Variants in OCA2 observed in about 807,000 individuals in gnomAD.
The protein encoded by OCA2 is P protein.
Under a neutral mutation model 100.2 loss-of-function variants are expected in OCA2, and 77 were observed. The observed-to-expected ratio is 0.77, with a 90% CI of 0.64 to 0.93. The LOEUF is 0.93. Among genes scored for constraint, OCA2 ranks in the 40% least tolerant of loss-of-function variants. The pLI is 0.00. For synonymous variants in OCA2, 432 were observed against 439.2 expected (o/e 0.98, Z 0.21); for missense variants, 1,062 against 1,089.1 (o/e 0.98, Z 0.35).
intron 18 of OCA2, among the ~76,000 whole-genome samples, chr15:27,932,691 G>A (rs200122345): frequency 6.6e-6 from 1 of 152,156 alleles, no homozygotes; most frequent in African/African-American, 2.4e-5. Flanking sequence ...GTGGTGGTTT[G>A]TTTGCTTTTA....
At chr15:27,886,638 G>T (rs1422800645) in intron 19 of OCA2, among the ~76,000 whole-genome samples, 1 of 152,102 alleles carries the variant, frequency 6.6e-6, no homozygotes, top group African/African-American at 2.4e-5. Context: ...CGAATATAAG[G>T]CATAACAGCA....
intron 2 of OCA2, among the ~76,000 whole-genome samples, chr15:28,060,312 A>C (rs2043833526): frequency 6.6e-6 from 1 of 152,214 alleles, no homozygotes; most frequent in Non-Finnish European, 1.5e-5. Flanking sequence ...TGACCAGACC[A>C]GCACCTCCTG....
intron 23 of OCA2, among the ~76,000 whole-genome samples, chr15:27,824,621 T>TATATATATAA (rs1315693272): frequency 1.6e-5 from 2 of 124,146 alleles, no homozygotes; most frequent in African/African-American, 6.4e-5. Context: ...TATATATATA[T>TATATATATAA]AATATAATAT....
At chr15:27,891,695 C>T (rs116804440) in intron 19 of OCA2, among the ~76,000 whole-genome samples, 2,366 of 152,134 alleles carry the variant, frequency 0.016, 56 homozygotes, top group African/African-American at 0.05. Flanking sequence ...ATTTTTTTTA[C>T]CTGTAGTTGG....
Position 27,897,247 on chromosome 15 carries a change from T to A in OCA2, c.2080-25325A>T, listed in dbSNP as rs574334404. Among the ~76,000 whole-genome samples, 42 of 151,596 alleles carry A rather than the reference T, an allele frequency of 2.8e-4. No homozygotes were observed. The South Asian group carries it at 8.0e-3, about 29-fold the overall frequency. On this transcript the variant is annotated intron_variant, in intron 19 of 23. Coordinates refer to ENST00000354638, the MANE Select transcript of OCA2 (RefSeq NM_000275.3). ...CCATCCCATCACAGGCCCAGAGGCC[T>A]AAAAGAAAAATATAGTTTCCTGGGT...
intron 19 of OCA2, among the ~76,000 whole-genome samples, chr15:27,911,285 TG>T (rs2038386356): frequency 6.6e-6 from 1 of 151,794 alleles, no homozygotes; most frequent in African/African-American, 2.4e-5. Context: ...CCAGGTGTGG[TG>T]GTATAAGCCT....
At chr15:27,996,090 T>C (rs1297013600) in intron 9 of OCA2, among the ~76,000 whole-genome samples, 2 of 152,094 alleles carry the variant, frequency 1.3e-5, no homozygotes, top group Non-Finnish European at 2.9e-5. Flanking sequence ...GGATTACAGG[T>C]GTGAGCCACC....
chr15:27,723,655 C>A, the OCA2 span, among the ~76,000 whole-genome samples: 1 of 152,258 alleles, frequency 6.6e-6, no homozygotes, highest in East Asian at 1.9e-4. Context: ...ATCTCTCATT[C>A]ACATTTTCCT....
At chr15:27,827,123 C>G (rs1394232585) in intron 23 of OCA2, among the ~76,000 whole-genome samples, 2 of 152,232 alleles carry the variant, frequency 1.3e-5, no homozygotes, top group Non-Finnish European at 2.9e-5. Flanking sequence ...ATGTTTTCAT[C>G]AGTCTATTAA....
At chr15:27,955,639 T>C (rs2040198065) in intron 16 of OCA2, among the ~76,000 whole-genome samples, 1 of 152,002 alleles carries the variant, frequency 6.6e-6, no homozygotes, top group Non-Finnish European at 1.5e-5. Context: ...AAGAAAAACG[T>C]GGTAAAAGAA....
At position 28,054,597 on chromosome 15, in the gene OCA2, C is replaced by T. The variant is rs574644541; in HGVS notation, c.228-22434G>A. Reference sequence around the variant, plus strand: ...TTCTATGTTGCTGCCATAGAGATACCCCTCTCCCAAAATTACATAAGGATT... The same window carrying T: ...TTCTATGTTGCTGCCATAGAGATACTCCTCTCCCAAAATTACATAAGGATT... On this transcript the variant is annotated intron_variant, in intron 2 of 23. Transcript: ENST00000354638. Among the ~76,000 whole-genome samples the T allele has an allele frequency of 1.2e-3, 176 of 152,250 alleles. 3 individuals are homozygous for T. Among genetic ancestry groups the T allele is most frequent in the South Asian group, 1.5e-3 (7 of 4,820 alleles).
the OCA2 span, among the ~76,000 whole-genome samples, chr15:27,745,643 A>G: frequency 1.4e-4 from 22 of 152,312 alleles, no homozygotes; most frequent in Middle Eastern, 3.4e-3. Flanking sequence ...GTGGGGGGAA[A>G]TTTACGCTGT....
chr15:27,851,325 G>A (rs1293260994), intron 22 of OCA2, 57 bp downstream of exon 22: 3 of 1,396,038 alleles, frequency 2.1e-6, no homozygotes, highest in Non-Finnish European at 3.0e-6. Context: ...TGTTGCTTTG[G>A]GCTGAACCAC....
intron 15 of OCA2, 28 bp downstream of exon 15, chr15:27,966,662 G>C: frequency 6.2e-7 from 1 of 1,612,720 alleles, no homozygotes; most frequent in Non-Finnish European, 8.5e-7. Flanking sequence ...TGAAATCTGA[G>C]CCTACATGAG....
chr15:27,989,648 C>G lies in OCA2; in HGVS notation c.1135G>C (p.Val379Leu). 6.2e-7 allele frequency: 1 copy of G among 1,614,202 alleles called. No individual in the cohort carries two copies. Among genetic ancestry groups the G allele is most frequent in the African/African-American group, 1.3e-5 (1 of 75,064 alleles). Residue 379 changes from valine (V) to leucine (L), a missense_variant, in exon 11 of 24, where the codon GTG (valine) becomes CTG (leucine). Transcript: ENST00000354638. ...GTCTCAAAATCAATCCACTCCACCA[C>G]ATGGGTCAGGCTGGGTCTCTGCAAT... is the stretch of plus-strand genomic sequence containing the variant. ...VIGDRPSLTH[V>L]VEWIDFETLA...
At chr15:28,093,411 CAAA>C (rs56141333) in intron 1 of OCA2, among the ~76,000 whole-genome samples, 3 of 141,978 alleles carry the variant, frequency 2.1e-5, no homozygotes. Context: ...AACACCGTCT[CAAA>C]AAAAAAAAAA....
intron 14 of OCA2, among the ~76,000 whole-genome samples, chr15:27,970,554 C>T (rs911127461): frequency 3.3e-5 from 5 of 150,372 alleles, no homozygotes; most frequent in South Asian, 2.1e-4. Flanking sequence ...TGTCCCAGCA[C>T]GCACAGCATG....
At chr15:27,892,592 T>C (rs921708817) in intron 19 of OCA2, among the ~76,000 whole-genome samples, 3 of 152,024 alleles carry the variant, frequency 2.0e-5, no homozygotes, top group African/African-American at 4.8e-5. Context: ...ACACTAAATG[T>C]TAACATTGGA....
chr15:27,996,445 C>T (rs538959950), intron 9 of OCA2, among the ~76,000 whole-genome samples: 11 of 151,764 alleles, frequency 7.2e-5, no homozygotes, highest in African/African-American at 2.7e-4. Flanking sequence ...AATAGAAGAG[C>T]CAGCTAAGCC....
Sources: allele counts gnomAD v4.1 joint callset (sites outside exome capture counted in the v4.1 genomes callset), GRCh38; gene constraint gnomAD v4.1.1; transcripts MANE v1.5; gene names NCBI Gene and HGNC (gene_info 2026-07-23, HGNC 2026-07-21).